Variants in GNB5 observed in about 807,000 individuals in gnomAD.
GNB5 encodes the protein guanine nucleotide-binding protein subunit beta-5.
Under a neutral mutation model 55.3 loss-of-function variants are expected in GNB5, and 37 were observed. The observed-to-expected ratio is 0.67, with a 90% CI of 0.51 to 0.88. The LOEUF is 0.88. GNB5 is among the 40% of genes least tolerant of loss of function. The probability of loss-of-function intolerance (pLI) is 0.00; values close to 1 mark genes in which losing one functional copy is unlikely to be tolerated. For missense variants in GNB5, 476 were observed against 515.3 expected, an observed-to-expected ratio of 0.92 and a Z score of 0.74; for synonymous variants, 219 against 198.5, an observed-to-expected ratio of 1.10 and a Z score of -0.87.
At chr15:52,150,877 T>C (rs3794545) in intron 4 of GNB5, among the ~76,000 whole-genome samples, 7,504 of 152,342 alleles carry the variant, frequency 0.049, 691 homozygotes, top group East Asian at 0.42. Flanking sequence ...ACAGCCTCTA[T>C]GGCAGGCTCA....
intron 3 of GNB5, among the ~76,000 whole-genome samples, chr15:52,164,708 G>C (rs951860001): frequency 3.9e-5 from 6 of 151,952 alleles, no homozygotes; most frequent in African/African-American, 1.5e-4. Context: ...CCCATTCATA[G>C]GTCAGCAACC....
intron 3 of GNB5, among the ~76,000 whole-genome samples, chr15:52,159,231 C>T (rs2034280353): frequency 6.6e-6 from 1 of 152,144 alleles, no homozygotes; most frequent in Non-Finnish European, 1.5e-5. Context: ...TGACAGCAGC[C>T]TGCTGTCATC....
At position 52,128,242 on chromosome 15, in the gene GNB5, T is replaced by C; in HGVS notation, c.866A>G (p.Tyr289Cys). The change falls in exon 10 of 13, where the codon TAC becomes TGC. Residue 289 changes from tyrosine to cysteine, a missense_variant and splice_region_variant. By Grantham distance (194) the Tyr-to-Cys change is radical. Transcript: ENST00000261837. ...THESDINSVR[Y>C]YPSGDAFASG... The stretch of plus-strand genomic sequence containing the variant: ...AGCAAAGGCATCTCCACTGGGGTAG[T>C]ACCTGCAGAGAGAAAGTACTTTATC... 1.2e-6 allele frequency: 2 copies of C among 1,604,452 alleles called. No individual in the cohort carries two copies. The highest frequency in any genetic ancestry group is 2.2e-5 in the South Asian group (2 of 90,900).
At chr15:52,137,841 C>T in intron 7 of GNB5, 1 of 1,285,180 alleles carries the variant, frequency 7.8e-7, no homozygotes, top group Non-Finnish European at 1.0e-6. Flanking sequence ...TCCCTGCCTT[C>T]TGGCTGCTCC....
chr15:52,182,997 C>G (rs897340876), intron 2 of GNB5, among the ~76,000 whole-genome samples: 4 of 152,046 alleles, frequency 2.6e-5, no homozygotes, highest in African/African-American at 9.7e-5. Context: ...ACTAAAAATA[C>G]AAAAATTAGC....
chr15:52,184,840 C>G, intron 1 of GNB5, 146 bp from the exon 2 acceptor site: 1 of 596,462 alleles, frequency 1.7e-6, no homozygotes, highest in East Asian at 2.9e-5. Flanking sequence ...AACCTTTCAA[C>G]TATTACAACA....
chr15:52,145,008 G>A (rs1267862727), intron 6 of GNB5, among the ~76,000 whole-genome samples: 2 of 152,134 alleles, frequency 1.3e-5, no homozygotes, highest in African/African-American at 2.4e-5. Context: ...GCACTTTCAT[G>A]AGTTTGGCGA....
chr15:52,178,320 G>A (rs556435630), intron 3 of GNB5, among the ~76,000 whole-genome samples: 3 of 152,176 alleles, frequency 2.0e-5, no homozygotes, highest in Non-Finnish European at 4.4e-5. Flanking sequence ...ATGTTGGCCA[G>A]GCTGGTCTCA....
intron 4 of GNB5, among the ~76,000 whole-genome samples, chr15:52,152,635 CTT>C (rs578194564): frequency 5.0e-5 from 7 of 138,734 alleles, no homozygotes; most frequent in Admixed American, 7.1e-5. Context: ...GAATATCTCT[CTT>C]TTTTTTTTTT....
chr15:52,133,788 C>A (rs2033636037), intron 8 of GNB5, among the ~76,000 whole-genome samples: 1 of 152,220 alleles, frequency 6.6e-6, no homozygotes, highest in South Asian at 2.1e-4. Context: ...TTTCATTTTT[C>A]CTTCTTTTCT....
At chr15:52,176,126 C>G (rs961631342) in intron 3 of GNB5, among the ~76,000 whole-genome samples, 1 of 152,170 alleles carries the variant, frequency 6.6e-6, no homozygotes, top group African/African-American at 2.4e-5. Flanking sequence ...ATAAGAGATA[C>G]AGGAAAGTGC....
chr15:52,143,406 T>C (rs1226364513), intron 6 of GNB5, among the ~76,000 whole-genome samples: 1 of 152,240 alleles, frequency 6.6e-6, no homozygotes, highest in Non-Finnish European at 1.5e-5. Flanking sequence ...CTAACTAATG[T>C]TGTGATCTTG....
chr15:52,182,519 T>C (rs1444528428), intron 2 of GNB5, among the ~76,000 whole-genome samples: 1 of 152,198 alleles, frequency 6.6e-6, no homozygotes, highest in Non-Finnish European at 1.5e-5. Context: ...CATCAGACTT[T>C]TAATGGTTAG....
chr15:52,133,312 A>G (rs1268034400), intron 9 of GNB5, 66 bp downstream of exon 9: 1 of 1,117,752 alleles, frequency 8.9e-7, no homozygotes, highest in Non-Finnish European at 1.4e-6. Context: ...TTCCTGGGCT[A>G]AGGATTACCC....
At chr15:52,152,883 C>T (rs1229887735) in intron 4 of GNB5, among the ~76,000 whole-genome samples, 2 of 152,220 alleles carry the variant, frequency 1.3e-5, no homozygotes, top group African/African-American at 4.8e-5. Flanking sequence ...CCTTGGCCTC[C>T]CAAAGTGCTA....
At chr15:52,169,403 TGGTG>T (rs1311563103) in intron 3 of GNB5, among the ~76,000 whole-genome samples, 1,541 of 150,262 alleles carry the variant, frequency 0.01, 29 homozygotes, top group African/African-American at 0.036. Context: ...CTGGGCATGG[TGGTG>T]GGCACCTGTA....
chr15:52,165,049 A>G (rs2034423308), intron 3 of GNB5, among the ~76,000 whole-genome samples: 1 of 152,226 alleles, frequency 6.6e-6, no homozygotes, highest in Non-Finnish European at 1.5e-5. Context: ...ATACAACATA[A>G]GAATGTCACG....
intron 3 of GNB5, among the ~76,000 whole-genome samples, chr15:52,158,998 C>T (rs1056351851): frequency 6.6e-6 from 1 of 152,124 alleles, no homozygotes; most frequent in African/African-American, 2.4e-5. Context: ...GGTATCTGAG[C>T]TCAGTCGAAA....
At chr15:52,165,699 G>C (rs1434486076) in intron 3 of GNB5, among the ~76,000 whole-genome samples, 2 of 151,948 alleles carry the variant, frequency 1.3e-5, no homozygotes, top group African/African-American at 2.4e-5. Context: ...CCTGAAGGAA[G>C]CACCAAATAT....
Sources: allele counts gnomAD v4.1 joint callset (sites outside exome capture counted in the v4.1 genomes callset), GRCh38; gene constraint gnomAD v4.1.1; transcripts MANE v1.5; gene names NCBI Gene and HGNC (gene_info 2026-07-23, HGNC 2026-07-21).